Variants in NTNG1 observed in about 807,000 individuals in gnomAD.
NTNG1 encodes the protein netrin-G1.
In NTNG1, 16 loss-of-function variants were observed where a neutral mutation model predicts 54.0. The observed-to-expected ratio is 0.30, with a 90% CI of 0.20 to 0.45. NTNG1 has a LOEUF of 0.45. NTNG1 is among the 20% of genes least tolerant of loss of function. The probability of loss-of-function intolerance (pLI) is 1.00; values close to 1 mark genes in which losing one functional copy is unlikely to be tolerated. For synonymous variants in NTNG1, 255 were observed against 263.1 expected (o/e 0.97, Z 0.30); for missense variants, 530 against 678.7 (o/e 0.78, Z 2.43).
intron 5 of NTNG1, among the ~76,000 whole-genome samples, chr1:107,424,833 C>T (rs992599284): frequency 6.6e-6 from 1 of 151,952 alleles, no homozygotes; most frequent in African/African-American, 2.4e-5. Context: ...GTCAGTCCAC[C>T]CTGGAAATAA....
intron 3 of NTNG1, among the ~76,000 whole-genome samples, chr1:107,365,231 A>G (rs976445137): frequency 6.6e-6 from 1 of 152,168 alleles, no homozygotes; most frequent in Non-Finnish European, 1.5e-5. Context: ...AGAAGACTTC[A>G]TTCAAAATGG....
chr1:107,473,467 T>C (rs1026502144), intron 7 of NTNG1, among the ~76,000 whole-genome samples: 1 of 152,036 alleles, frequency 6.6e-6, no homozygotes. Flanking sequence ...CTGTGGTCAG[T>C]TTTTCCATAC....
intron 2 of NTNG1, among the ~76,000 whole-genome samples, chr1:107,257,219 A>G (rs1293295900): frequency 6.6e-6 from 1 of 152,244 alleles, no homozygotes; most frequent in East Asian, 1.9e-4. Flanking sequence ...TTAAATCATA[A>G]TTCATAACAT....
intron 3 of NTNG1, among the ~76,000 whole-genome samples, chr1:107,331,635 A>G (rs1668287334): frequency 6.6e-6 from 1 of 152,126 alleles, no homozygotes; most frequent in Non-Finnish European, 1.5e-5. Flanking sequence ...AATGGGCATC[A>G]TCAAACACTA....
chr1:107,270,074 C>T (rs1233708165), intron 2 of NTNG1, among the ~76,000 whole-genome samples: 1 of 152,220 alleles, frequency 6.6e-6, no homozygotes, highest in African/African-American at 2.4e-5. Context: ...TTCTGCACAG[C>T]AAACTGTTCC....
intron 7 of NTNG1, among the ~76,000 whole-genome samples, chr1:107,462,810 A>G (rs949107555): frequency 2.6e-5 from 4 of 152,206 alleles, no homozygotes; most frequent in Admixed American, 1.3e-4. Flanking sequence ...ATTTGTTGGT[A>G]CCTATTCTCA....
intron 2 of NTNG1, among the ~76,000 whole-genome samples, chr1:107,176,842 C>A (rs150177290): frequency 1.3e-5 from 2 of 152,094 alleles, no homozygotes; most frequent in Non-Finnish European, 2.9e-5. Context: ...TATACGTAGT[C>A]TAAAGCAAGG....
At chr1:107,409,614 A>G (rs976975360) in intron 5 of NTNG1, 5 of 152,108 alleles carry the variant, frequency 3.3e-5, no homozygotes, top group Admixed American at 6.5e-5. Context: ...ATTAACCTTT[A>G]TTATCGAGAA....
At chr1:107,334,957 G>A (rs1668495275) in intron 3 of NTNG1, among the ~76,000 whole-genome samples, 1 of 151,970 alleles carries the variant, frequency 6.6e-6, no homozygotes, top group South Asian at 2.1e-4. Context: ...TTAGCCCATT[G>A]TTTTTGGCTA....
At chr1:107,478,841 A>G (rs1390036313) in intron 7 of NTNG1, among the ~76,000 whole-genome samples, 1 of 152,278 alleles carries the variant, frequency 6.6e-6, no homozygotes. Context: ...ACTAAAGCCA[A>G]AAAACAAGAG....
At chr1:107,248,763 G>A (rs900049402) in intron 2 of NTNG1, among the ~76,000 whole-genome samples, 1 of 151,642 alleles carries the variant, frequency 6.6e-6, no homozygotes, top group African/African-American at 2.4e-5. Flanking sequence ...TTTCATGAAT[G>A]GGCACAGGTA....
At chr1:107,317,725 C>T (rs1667416342) in intron 2 of NTNG1, among the ~76,000 whole-genome samples, 2 of 152,130 alleles carry the variant, frequency 1.3e-5, no homozygotes. Flanking sequence ...AGGTTAAGCC[C>T]TCCCGTCTTT....
intron 3 of NTNG1, among the ~76,000 whole-genome samples, chr1:107,386,562 A>G (rs1253876453): frequency 6.6e-6 from 1 of 152,196 alleles, no homozygotes; most frequent in Non-Finnish European, 1.5e-5. Context: ...AGCATGTATC[A>G]GTACTTCATT....
chr1:107,162,086 T>C (rs1207037964), intron 2 of NTNG1, among the ~76,000 whole-genome samples: 2 of 149,984 alleles, frequency 1.3e-5, no homozygotes, highest in Non-Finnish European at 3.0e-5. Flanking sequence ...CATAACTCAT[T>C]AATGGAAATT....
chr1:107,233,921 T>A (rs1436075875), intron 2 of NTNG1, among the ~76,000 whole-genome samples: 1 of 152,214 alleles, frequency 6.6e-6, no homozygotes, highest in Non-Finnish European at 1.5e-5. Flanking sequence ...GATTTTTGTT[T>A]CAGAATAAGA....
At chr1:107,157,225 A>C (rs1655067949) in intron 2 of NTNG1, among the ~76,000 whole-genome samples, 1 of 152,230 alleles carries the variant, frequency 6.6e-6, no homozygotes, top group East Asian at 1.9e-4. Flanking sequence ...TGTACCAAAC[A>C]TTGCATAATG....
At chr1:107,328,285 T>G (rs767144011) in intron 3 of NTNG1, among the ~76,000 whole-genome samples, 27 of 152,164 alleles carry the variant, frequency 1.8e-4, no homozygotes, top group Admixed American at 6.6e-4. Flanking sequence ...GAGTGCAGTG[T>G]GCCAGTACCT....
intron 3 of NTNG1, among the ~76,000 whole-genome samples, chr1:107,367,865 G>A (rs1272388013): frequency 1.3e-5 from 2 of 152,022 alleles, no homozygotes; most frequent in Non-Finnish European, 2.9e-5. Context: ...TGGTTCAAGC[G>A]ATTCTCCCAC....
At chr1:107,440,421 AAG>A (rs1675895393) in intron 7 of NTNG1, among the ~76,000 whole-genome samples, 1 of 152,206 alleles carries the variant, frequency 6.6e-6, no homozygotes, top group Non-Finnish European at 1.5e-5. Flanking sequence ...CTGCAAGACT[AAG>A]AGGAAATTAC....
Sources: allele counts gnomAD v4.1 joint callset (sites outside exome capture counted in the v4.1 genomes callset), GRCh38; gene constraint gnomAD v4.1.1; transcripts MANE v1.5; gene names NCBI Gene and HGNC (gene_info 2026-07-23, HGNC 2026-07-21).